HMGB1: variants seen among roughly 807,000 people sequenced by gnomAD.
The protein encoded by HMGB1 is high mobility group protein B1.
For missense variants in HMGB1, 79 were observed against 253.5 expected (o/e 0.31, Z 4.67); for synonymous variants, 81 against 84.0 (o/e 0.96, Z 0.19).
chr13:30,597,581 G>A (rs769315366), intron 1 of HMGB1, among the ~76,000 whole-genome samples: 1 of 152,174 alleles, frequency 6.6e-6, no homozygotes, highest in African/African-American at 2.4e-5. Flanking sequence ...TGTTTGGGAA[G>A]ATTTCTCATA....
At position 30,460,835 on chromosome 13, in the gene HMGB1, C is replaced by T. The variant is rs1172242597; in HGVS notation, c.*522G>A. On this transcript the variant is annotated 3_prime_UTR_variant, in exon 5 of 5. Coordinates refer to ENST00000341423, the MANE Select transcript of HMGB1 (RefSeq NM_002128.7). ...TCATGTGATTCAAAATGGGCAAAAG[C>T]AAAAGACTAGCTTCCCCTCAAGAAG... The T allele has an allele frequency of 6.5e-6, 1 of 153,488 alleles. No individual in the cohort carries two copies. Among genetic ancestry groups the T allele is most frequent in the African/African-American group, 2.4e-5 (1 of 41,396 alleles). 9.5% of individuals were successfully genotyped at this position (153,488 alleles called of 1,614,324 possible).
chr13:30,459,158 A>G lies in HMGB1; in HGVS notation c.*2199T>C, dbSNP rs1886144717. 6.8e-6 allele frequency: 1 copy of G among 147,818 alleles called. No homozygotes were observed. The highest frequency in any genetic ancestry group is 1.5e-5 in the Non-Finnish European group (1 of 66,790). 9.2% of individuals were successfully genotyped at this position (147,818 alleles called of 1,614,324 possible). A position where few individuals can be genotyped will look rare whatever the true frequency, so the allele number is the denominator to read the frequency against. ...ACACTTTCTAAAAAAAATCATCTTC[A>G]GTTACAAGGCTTTACACTTATCTAA... On this transcript the variant is annotated 3_prime_UTR_variant, in exon 5 of 5. Transcript: ENST00000341423.
At chr13:30,555,853 A>G (rs1322297846) in intron 1 of HMGB1, among the ~76,000 whole-genome samples, 1 of 152,208 alleles carries the variant, frequency 6.6e-6, no homozygotes, top group Non-Finnish European at 1.5e-5. Context: ...TCGTAACCAT[A>G]GTCTCCATCG....
intron 1 of HMGB1, among the ~76,000 whole-genome samples, chr13:30,549,391 G>A (rs1170994682): frequency 6.6e-6 from 1 of 152,188 alleles, no homozygotes; most frequent in Non-Finnish European, 1.5e-5. Context: ...TACAGTAATA[G>A]TGATAGTGTT....
chr13:30,590,050 C>G (rs1233859157), intron 1 of HMGB1, among the ~76,000 whole-genome samples: 1 of 151,838 alleles, frequency 6.6e-6, no homozygotes, highest in Non-Finnish European at 1.5e-5. Context: ...AGATTACTTA[C>G]GTTGGTTACT....
intron 1 of HMGB1, among the ~76,000 whole-genome samples, chr13:30,538,493 TCTTTCTTTCTTTCTTTC>T (rs1322537248): frequency 8.4e-5 from 4 of 47,468 alleles, no homozygotes; most frequent in East Asian, 1.3e-3. Context: ...TTTCTTTCTT[TCTTTCTTTCTTTCTTTC>T]CTTTCTTTCT....
At chr13:30,489,733 C>CT (rs1437282347) in intron 1 of HMGB1, among the ~76,000 whole-genome samples, 35,848 of 138,350 alleles carry the variant, frequency 0.26, 5,273 homozygotes, top group East Asian at 0.49. Flanking sequence ...AATGGAATTT[C>CT]TTTTTTTTTT....
Position 30,528,897 on chromosome 13 carries a change from C to T in HMGB1, c.-14-65203G>A, listed in dbSNP as rs371675582. 1.5e-3 allele frequency among the ~76,000 whole-genome samples: 229 copies of T among 152,030 alleles called. 1 individual carries two copies. The highest frequency in any genetic ancestry group is 5.2e-3 in the African/African-American group (216 of 41,502). On this transcript the variant is annotated intron_variant, in intron 1 of 4. Coordinates refer to the HMGB1 transcript ENST00000405805. ...CAAAAAAATTAGCCAGGCGTGGTGG[C>T]GGGCGCCTCTAGTCCCAGCTCCTTG... is the stretch of plus-strand genomic sequence containing the variant.
chr13:30,591,603 C>A (rs943593721), intron 1 of HMGB1, among the ~76,000 whole-genome samples: 1 of 151,436 alleles, frequency 6.6e-6, no homozygotes, highest in African/African-American at 2.4e-5. Flanking sequence ...CTCTGCCTCT[C>A]GGGCTCAGCG....
At position 30,512,111 on chromosome 13, in the gene HMGB1, C is replaced by T. The variant is rs553449930; in HGVS notation, c.-14-48417G>A. Among the ~76,000 whole-genome samples, 19 of 151,196 alleles carry T rather than the reference C, an allele frequency of 1.3e-4. No individual in the cohort carries two copies. In the South Asian group the frequency reaches 3.3e-3, roughly 27 times the overall value. ...GGAGGATCACTTGAGCTCAGGAGTT[C>T]GAGACCAGACTAGGCAACATAGTGA... On this transcript the variant is annotated intron_variant, in intron 1 of 4. Transcript: ENST00000405805.
intron 1 of HMGB1, among the ~76,000 whole-genome samples, chr13:30,608,608 C>T (rs1009935889): frequency 3.9e-5 from 6 of 152,164 alleles, no homozygotes; most frequent in Non-Finnish European, 7.3e-5. Context: ...TCTCTTCTTT[C>T]CATTTGGGAT....
intron 1 of HMGB1, among the ~76,000 whole-genome samples, chr13:30,564,542 A>G (rs1006860361): frequency 1.3e-5 from 2 of 152,196 alleles, no homozygotes; most frequent in African/African-American, 4.8e-5. Flanking sequence ...ACCACTAAAG[A>G]CTGTTGGAAG....
At chr13:30,570,594 A>G (rs1870385886) in intron 1 of HMGB1, among the ~76,000 whole-genome samples, 2 of 152,228 alleles carry the variant, frequency 1.3e-5, no homozygotes, top group African/African-American at 4.8e-5. Flanking sequence ...TCATCTTTCT[A>G]CATGGTACAC....
At chr13:30,617,560 A>G (rs1256339762) in exon 1 of HMGB1, 1 of 152,262 alleles carries the variant, frequency 6.6e-6, no homozygotes, top group African/African-American at 2.4e-5. Flanking sequence ...GCGACGCGCA[A>G]GCAGGTCTCT....
At chr13:30,604,392 C>A (rs947650281) in intron 1 of HMGB1, among the ~76,000 whole-genome samples, 2 of 152,026 alleles carry the variant, frequency 1.3e-5, no homozygotes, top group African/African-American at 4.8e-5. Context: ...ATCCAATATC[C>A]CCCCAAGGAA....
intron 1 of HMGB1, chr13:30,553,544 T>C (rs1210397728): frequency 1.5e-5 from 7 of 475,778 alleles, no homozygotes; most frequent in Non-Finnish European, 2.7e-5. Context: ...CAAATATATA[T>C]ATGAATAGAA....
intron 1 of HMGB1, among the ~76,000 whole-genome samples, chr13:30,556,927 A>C (rs1331149315): frequency 6.6e-6 from 1 of 152,220 alleles, no homozygotes; most frequent in East Asian, 1.9e-4. Context: ...AATGATAAAC[A>C]TATGAGATGG....
At chr13:30,476,093 G>A (rs906212824) in intron 1 of HMGB1, among the ~76,000 whole-genome samples, 1 of 144,440 alleles carries the variant, frequency 6.9e-6, no homozygotes, top group Non-Finnish European at 1.5e-5. Context: ...AAACAGAACT[G>A]TTGTGATATC....
chr13:30,598,517 A>C (rs1237246022), intron 1 of HMGB1, among the ~76,000 whole-genome samples: 1 of 152,268 alleles, frequency 6.6e-6, no homozygotes, highest in East Asian at 1.9e-4. Flanking sequence ...ATTTTTCACA[A>C]AGTGAAATAG....
Sources: allele counts gnomAD v4.1 joint callset (sites outside exome capture counted in the v4.1 genomes callset), GRCh38; gene constraint gnomAD v4.1.1; transcripts MANE v1.5; gene names NCBI Gene and HGNC (gene_info 2026-07-23, HGNC 2026-07-21).